Variants in PTCH1 observed in about 807,000 individuals in gnomAD.
The protein encoded by PTCH1 is protein patched homolog 1.
Under a neutral mutation model 144.6 loss-of-function variants are expected in PTCH1, and 14 were observed. That is an observed-to-expected ratio of 0.10 (90% confidence interval 0.06 to 0.15). The LOEUF (loss-of-function observed/expected upper bound fraction) is 0.15. Among genes scored for constraint, PTCH1 ranks in the 10% least tolerant of loss-of-function variants. The probability of loss-of-function intolerance (pLI) is 1.00; values close to 1 mark genes in which losing one functional copy is unlikely to be tolerated. For missense variants in PTCH1, 1,623 were observed against 1,948.3 expected, an observed-to-expected ratio of 0.83 and a Z score of 3.14; for synonymous variants, 833 against 793.6, an observed-to-expected ratio of 1.05 and a Z score of -0.83.
rs1841543268 is a variant in PTCH1 at position 95,481,647 on chromosome 9, AAC to A, written c.746+300_746+301del. Among the ~76,000 whole-genome samples, 8 of 152,332 alleles carry A rather than the reference AAC, an allele frequency of 5.3e-5. No homozygotes were observed. The South Asian group carries it at 1.7e-3, about 32-fold the overall frequency. ...TAAATGCCTCGTCTTCGAAACTACGAACATTTTAAAGAGTTAAAAAATCACAC... is the reference window on the plus strand; with the variant it reads ...TAAATGCCTCGTCTTCGAAACTACGAATTTTAAAGAGTTAAAAAATCACAC... On this transcript the variant is annotated intron_variant, in intron 5 of 23. Transcript: ENST00000331920.
intron 15 of PTCH1, among the ~76,000 whole-genome samples, chr9:95,464,485 C>T (rs1839823572): frequency 6.6e-6 from 1 of 152,102 alleles, no homozygotes; most frequent in African/African-American, 2.4e-5. Context: ...GGAATAACCC[C>T]AATTGCCCAT....
intron 5 of PTCH1, among the ~76,000 whole-genome samples, chr9:95,480,822 A>G (rs1299276161): frequency 1.3e-5 from 2 of 152,222 alleles, no homozygotes; most frequent in Non-Finnish European, 2.9e-5. Flanking sequence ...TAAGTTAATG[A>G]GGGCACTGAA....
chr9:95,463,736 C>T (rs989405871), intron 15 of PTCH1, among the ~76,000 whole-genome samples: 1 of 152,196 alleles, frequency 6.6e-6, no homozygotes, highest in South Asian at 2.1e-4. Flanking sequence ...TTAATCACTC[C>T]GGCTTCACAG....
rs886687209 is a variant in PTCH1, at chr9:95,470,677, C to T, written c.1729-746G>A. Among the ~76,000 whole-genome samples, 6 of 152,124 alleles carry T rather than the reference C, an allele frequency of 3.9e-5. No homozygotes were observed. The South Asian group carries it at 6.3e-4, about 16-fold the overall frequency. On this transcript the variant is annotated intron_variant, in intron 12 of 23. Coordinates refer to ENST00000331920, the MANE Select transcript of PTCH1 (RefSeq NM_000264.5). The stretch of plus-strand genomic sequence containing the variant: ...GTTAATAGGGGAAGCCAACAGAAGC[C>T]GGTGGAAGTCGACCCAGCTCGGAAG...
chr9:95,447,494 T>A, intron 22 of PTCH1, 43 bp from the exon 23 acceptor site: 1 of 1,504,502 alleles, frequency 6.6e-7, no homozygotes, highest in Non-Finnish European at 8.8e-7. Context: ...TATCCCAGGC[T>A]GGGCATGGTC....
intron 22 of PTCH1, among the ~76,000 whole-genome samples, chr9:95,448,526 C>T (rs1013140941): frequency 1.3e-5 from 2 of 152,186 alleles, no homozygotes; most frequent in South Asian, 4.1e-4. Flanking sequence ...GGTTCTTGGC[C>T]TCTCTGCTCT....
intron 7 of PTCH1, among the ~76,000 whole-genome samples, chr9:95,479,471 G>A (rs1241929849): frequency 2.0e-5 from 3 of 152,160 alleles, no homozygotes; most frequent in African/African-American, 7.2e-5. Flanking sequence ...GCTCAGTGAC[G>A]CATACTTGCT....
chr9:95,480,665 T>G, intron 5 of PTCH1, 77 bp from the exon 6 acceptor site: 6 of 1,434,028 alleles, frequency 4.2e-6, no homozygotes, highest in Non-Finnish European at 5.9e-6. Context: ...CTGCGCCCAC[T>G]GCATCCACCT....
intron 2 of PTCH1, among the ~76,000 whole-genome samples, chr9:95,500,486 G>A (rs1254224384): frequency 2.0e-5 from 3 of 152,162 alleles, no homozygotes; most frequent in Non-Finnish European, 4.4e-5. Flanking sequence ...ATGTATGGGG[G>A]TCCAGGGAGC....
chr9:95,448,048 C>A (rs979061141), intron 22 of PTCH1, among the ~76,000 whole-genome samples: 1 of 152,190 alleles, frequency 6.6e-6, no homozygotes, highest in Non-Finnish European at 1.5e-5. Context: ...AGGGCTGTGG[C>A]GGGCAGCCTG....
chr9:95,516,764 C>A, exon 1 of PTCH1: 1 of 1,613,252 alleles, frequency 6.2e-7, no homozygotes, highest in Non-Finnish European at 8.5e-7. Context: ...CGGAGGCTTT[C>A]GGCGGAGTGC....
At chr9:95,502,570 T>G (rs1029705804) in intron 2 of PTCH1, among the ~76,000 whole-genome samples, 2 of 152,232 alleles carry the variant, frequency 1.3e-5, no homozygotes, top group African/African-American at 4.8e-5. Context: ...GTGAAACTGA[T>G]TTGACAATTT....
At chr9:95,466,970 G>C in intron 15 of PTCH1, 146 bp downstream of exon 15, 1 of 888,754 alleles carries the variant, frequency 1.1e-6, no homozygotes, top group Non-Finnish European at 1.7e-6. Context: ...AACAGTTCAT[G>C]TAAGAATCTT....
chr9:95,509,675 C>T (rs550936366), upstream of PTCH1, among the ~76,000 whole-genome samples: 1 of 152,252 alleles, frequency 6.6e-6, no homozygotes, highest in East Asian at 1.9e-4. Context: ...TTTTTTTAAG[C>T]GCTTAAACAA....
intron 2 of PTCH1, among the ~76,000 whole-genome samples, chr9:95,493,641 A>C (rs1842584286): frequency 6.6e-6 from 1 of 152,188 alleles, no homozygotes; most frequent in Non-Finnish European, 1.5e-5. Context: ...TAATCCCATG[A>C]ATTATCTAAC....
Position 95,480,415 on chromosome 9 carries a change from G to A in PTCH1, c.920C>T (p.Thr307Ile), listed in dbSNP as rs1255733467. The change falls in exon 6 of 24, where the codon ACA becomes ATA. Residue 307 changes from threonine to isoleucine, a missense_variant. Coordinates refer to ENST00000331920, the MANE Select transcript of PTCH1 (RefSeq NM_000264.5). ...LNPADPDCPA[T>I]APNKNSTKPL... ...TTTGGTTGAATTTTTGTTGGGGGCT[G>A]TGGCGGGGCAGTCTGGATCGGCCGG... 2 of 1,610,962 alleles carry A rather than the reference G, an allele frequency of 1.2e-6. No individual in the cohort carries two copies.
chr9:95,463,963 C>T (rs75208497), intron 15 of PTCH1, among the ~76,000 whole-genome samples: 32 of 152,256 alleles, frequency 2.1e-4, no homozygotes, highest in African/African-American at 7.0e-4. Context: ...TGGTGGCAAA[C>T]GGGGTCCCCA....
In PTCH1 at chr9:95,504,046, A is replaced by G; in HGVS notation, c.394+2361T>C. On this transcript the variant is annotated intron_variant, in intron 2 of 23. Coordinates refer to ENST00000331920, the MANE Select transcript of PTCH1 (RefSeq NM_000264.5). ...TCAAAAAAAAAAAAAAAAAAAAAAA[A>G]AAAAAAAAAAAAAAAAAAGATAATA... 3.6e-5 allele frequency among the ~76,000 whole-genome samples: 2 copies of G among 55,266 alleles called. 1 individual carries two copies. Among genetic ancestry groups the G allele is most frequent in the African/African-American group, 3.1e-4 (2 of 6,500 alleles). 36.3% of individuals were successfully genotyped at this position (55,266 alleles called of 152,430 possible). A position where few individuals can be genotyped will look rare whatever the true frequency, so the allele number is the denominator to read the frequency against.
chr9:95,504,718 A>C (rs1417487505), intron 2 of PTCH1, among the ~76,000 whole-genome samples: 2 of 152,038 alleles, frequency 1.3e-5, no homozygotes. Flanking sequence ...CATGCCTAAA[A>C]TGCCCTCCTT....
Sources: allele counts gnomAD v4.1 joint callset (sites outside exome capture counted in the v4.1 genomes callset), GRCh38; gene constraint gnomAD v4.1.1; transcripts MANE v1.5; gene names NCBI Gene and HGNC (gene_info 2026-07-23, HGNC 2026-07-21).